Variants in NSUN4 observed in about 807,000 individuals in gnomAD.
The protein encoded by NSUN4 is 5-cytosine rRNA methyltransferase NSUN4.
A neutral mutation model predicts 43.8 loss-of-function variants in NSUN4; 31 were observed. The ratio of observed to expected loss-of-function variants is 0.71; its 90% CI spans 0.53 to 0.96. The LOEUF (loss-of-function observed/expected upper bound fraction) is 0.96. Ranked by LOEUF, NSUN4 falls within the 40% of genes least tolerant of loss-of-function variation. The pLI is 0.00. For synonymous variants in NSUN4, 167 were observed against 184.1 expected (o/e 0.91, Z 0.75); for missense variants, 439 against 475.6 (o/e 0.92, Z 0.72).
the NSUN4 span, among the ~76,000 whole-genome samples, chr1:46,372,725 T>TTTG: frequency 2.0e-5 from 3 of 152,028 alleles, no homozygotes; most frequent in South Asian, 2.1e-4. Context: ...TTTGTTTTGT[T>TTTG]TTGTTGTTGT....
chr1:46,342,468 C>T (rs755678025), intron 1 of NSUN4: 18 of 399,048 alleles, frequency 4.5e-5, no homozygotes, highest in Admixed American at 3.5e-4. Flanking sequence ...CTGCCTGTGC[C>T]CCGGGAGTAC....
At chr1:46,378,444 G>A in the NSUN4 span, among the ~76,000 whole-genome samples, 9 of 152,172 alleles carry the variant, frequency 5.9e-5, no homozygotes, top group Middle Eastern at 3.4e-3. Flanking sequence ...TGATCCTCCC[G>A]CCTTGGCCTC....
intron 4 of NSUN4, among the ~76,000 whole-genome samples, chr1:46,359,551 A>ATT (rs1404750267): frequency 5.3e-5 from 3 of 56,976 alleles, no homozygotes; most frequent in South Asian, 4.2e-4. Flanking sequence ...GCCCGGCTAA[A>ATT]TTTTTTTTTT....
chr1:46,384,007 T>C, the NSUN4 span, among the ~76,000 whole-genome samples: 1 of 152,112 alleles, frequency 6.6e-6, no homozygotes, highest in Non-Finnish European at 1.5e-5. Context: ...TAATTCCGAT[T>C]GGCTAATTTA....
chr1:46,375,741 A>C, the NSUN4 span, among the ~76,000 whole-genome samples: 1 of 149,796 alleles, frequency 6.7e-6, no homozygotes, highest in Non-Finnish European at 1.5e-5. Context: ...TGTCTCAAAA[A>C]AAAAAAAAAA....
chr1:46,365,270 A>C (rs1664106670), downstream of NSUN4: 1 of 152,122 alleles, frequency 6.6e-6, no homozygotes, highest in Non-Finnish European at 1.5e-5. Flanking sequence ...AGTTGCTTCC[A>C]GTTTGGGGCT....
intron 4 of NSUN4, among the ~76,000 whole-genome samples, chr1:46,355,302 A>T (rs1663285229): frequency 6.6e-6 from 1 of 152,172 alleles, no homozygotes; most frequent in Non-Finnish European, 1.5e-5. Context: ...TTGAACACTT[A>T]CAATGTTAGG....
intron 4 of NSUN4, 77 bp downstream of exon 4, chr1:46,353,105 A>G: frequency 7.4e-7 from 1 of 1,355,010 alleles, no homozygotes; most frequent in Non-Finnish European, 1.0e-6. Flanking sequence ...CTGAGGGGTT[A>G]GGATCCAGCC....
Position 46,348,808 on chromosome 1 carries a change from GTTTT to G in NSUN4, c.592+1754_592+1757del, listed in dbSNP as rs869234807. Among the ~76,000 whole-genome samples, 243 of 77,856 alleles carry G rather than the reference GTTTT, an allele frequency of 3.1e-3. 1 individual carries two copies. Among genetic ancestry groups the G allele is most frequent in the African/African-American group, 0.012 (228 of 19,282 alleles). 51.1% of individuals were successfully genotyped at this position (77,856 alleles called of 152,430 possible). A position where few individuals can be genotyped will look rare whatever the true frequency, so the allele number is the denominator to read the frequency against. On this transcript the variant is annotated intron_variant, in intron 3 of 5. Transcript: ENST00000474844. ...TAGCCCAGCGAAGGCCTTGTGCACT[GTTTT>G]TTTTTTTTTTTTTTTTTTTTGAGAA... is the stretch of plus-strand genomic sequence containing the variant.
the NSUN4 span, among the ~76,000 whole-genome samples, chr1:46,382,282 A>C: frequency 6.6e-6 from 1 of 152,234 alleles, no homozygotes; most frequent in Non-Finnish European, 1.5e-5. Flanking sequence ...CCTGTGCCCC[A>C]TCATACTTTA....
intron 4 of NSUN4, among the ~76,000 whole-genome samples, chr1:46,358,428 A>G (rs1569764947): frequency 9.6e-5 from 8 of 83,588 alleles, no homozygotes; most frequent in South Asian, 3.7e-4. Flanking sequence ...TTTGAGATGG[A>G]GTCTCACTCT....
intron 3 of NSUN4, among the ~76,000 whole-genome samples, chr1:46,352,061 G>C (rs1048317210): frequency 6.6e-6 from 1 of 151,618 alleles, no homozygotes; most frequent in Non-Finnish European, 1.5e-5. Flanking sequence ...CTCCTGGGCT[G>C]AAGCAATCCA....
At chr1:46,367,821 G>A (rs1664170485), downstream of NSUN4, among the ~76,000 whole-genome samples, 1 of 146,992 alleles carries the variant, frequency 6.8e-6, no homozygotes, top group Non-Finnish European at 1.5e-5. Flanking sequence ...GTGGAGTGCC[G>A]TGGTGTGATC....
downstream of NSUN4, among the ~76,000 whole-genome samples, chr1:46,368,840 G>A (rs1419929177): frequency 6.6e-6 from 1 of 152,156 alleles, no homozygotes; most frequent in Admixed American, 6.5e-5. Flanking sequence ...GTCGCTTGAA[G>A]CCAGAAGTTT....
At chr1:46,379,194 C>T in the NSUN4 span, among the ~76,000 whole-genome samples, 1 of 150,088 alleles carries the variant, frequency 6.7e-6, no homozygotes, top group Non-Finnish European at 1.5e-5. Flanking sequence ...GCCCAGATAT[C>T]TGCATTCAAA....
chr1:46,371,155 G>A, the NSUN4 span, among the ~76,000 whole-genome samples: 1 of 91,350 alleles, frequency 1.1e-5, no homozygotes, highest in Non-Finnish European at 2.2e-5. Context: ...TTTTTTTTTT[G>A]AGACAGAGTC....
At chr1:46,343,230 A>G in intron 1 of NSUN4, 1 of 349,684 alleles carries the variant, frequency 2.9e-6, no homozygotes, top group East Asian at 4.7e-5. Context: ...TAGCACTCCC[A>G]GGGGCCCACC....
In NSUN4 at chr1:46,345,112, C is replaced by T. The variant is rs780282406; in HGVS notation, c.405C>T (p.Asp135=). Residue 135 remains aspartate, a synonymous_variant, in exon 2 of 6, where the codon GAC becomes GAT. Coordinates refer to ENST00000474844, the MANE Select transcript of NSUN4 (RefSeq NM_199044.4). ...CSPNLRCFTF[D]RGDISRFPPA... ...CGAACCTTCGATGCTTCACTTTTGA[C>T]AGAGGGGATATCAGTCGCTTCCCTC... 1.2e-6 allele frequency: 2 copies of T among 1,612,726 alleles called. No individual in the cohort carries two copies. The highest frequency in any genetic ancestry group is 1.1e-5 in the South Asian group (1 of 90,988).
At chr1:46,347,879 T>C (rs542630773) in intron 3 of NSUN4, among the ~76,000 whole-genome samples, 24 of 151,132 alleles carry the variant, frequency 1.6e-4, no homozygotes, top group Admixed American at 7.3e-4. Flanking sequence ...TTCTTTCTTT[T>C]TTTTTCTCTT....
Sources: allele counts gnomAD v4.1 joint callset (sites outside exome capture counted in the v4.1 genomes callset), GRCh38; gene constraint gnomAD v4.1.1; transcripts MANE v1.5; gene names NCBI Gene and HGNC (gene_info 2026-07-23, HGNC 2026-07-21).